Variants in CACHD1 observed in about 807,000 individuals in gnomAD.
The protein encoded by CACHD1 is cache domain containing 1, also known as VWFA and cache domain-containing protein 1.
CACHD1 carries 71 observed loss-of-function variants against 138.7 expected under a neutral mutation model. The observed-to-expected ratio is 0.51, with a 90% confidence interval of 0.42 to 0.62. The LOEUF is 0.62. Among genes scored for constraint, CACHD1 ranks in the 20% least tolerant of loss-of-function variants. The pLI is 0.00. For missense variants in CACHD1, 1,389 were observed against 1,625.3 expected (o/e 0.85, Z 2.50); for synonymous variants, 578 against 591.5 (o/e 0.98, Z 0.33).
chr1:64,567,470 T>A (rs1646891733), intron 2 of CACHD1, among the ~76,000 whole-genome samples: 2 of 152,184 alleles, frequency 1.3e-5, no homozygotes, highest in African/African-American at 2.4e-5. Flanking sequence ...TAGTTTGTAT[T>A]CATTTAACAA....
Position 64,634,258 on chromosome 1 carries a change from CAAGT to C in CACHD1, c.1005_1006+2del, listed in dbSNP as rs1163155388. The C allele has an allele frequency of 6.2e-7, 1 of 1,613,282 alleles. No homozygotes were observed. The highest frequency in any genetic ancestry group is 8.5e-7 in the Non-Finnish European group (1 of 1,179,480). On this transcript the variant is annotated splice_donor_variant and coding_sequence_variant, in exon 7 of 27. Transcript: ENST00000651257. LOFTEE classifies it high-confidence loss of function. Reference sequence around the variant, plus strand: ...ACAAACAATAACACAAAGTTCCAAGCAAGTGAGTGCGTTCTCTCAGAGGACTTAG... The same window carrying C: ...ACAAACAATAACACAAAGTTCCAAGCGAGTGCGTTCTCTCAGAGGACTTAG...
chr1:64,514,871 G>T (rs1570321078), intron 1 of CACHD1, among the ~76,000 whole-genome samples: 1 of 152,256 alleles, frequency 6.6e-6, no homozygotes, highest in East Asian at 1.9e-4. Context: ...ATCCAAATTT[G>T]TTTTTAGTAA....
At position 64,666,042 on chromosome 1, in the gene CACHD1, T is replaced by A; in HGVS notation, c.2277-15T>A. 7.2e-7 allele frequency: 1 copy of A among 1,386,310 alleles called. No individual in the cohort carries two copies. The highest frequency in any genetic ancestry group is 1.0e-6 in the Non-Finnish European group (1 of 995,474). The allele number at this position is 1,386,310 out of a possible 1,614,324, so 85.9% of individuals were successfully genotyped here. A position where few individuals can be genotyped will look rare whatever the true frequency, so the allele number is the denominator to read the frequency against. On this transcript the variant is annotated splice_polypyrimidine_tract_variant and intron_variant, in intron 15 of 26. Coordinates refer to ENST00000651257, the MANE Select transcript of CACHD1 (RefSeq NM_020925.4). Reference sequence around the variant, plus strand: ...TAAAAAATAAAATAACATGACTTTCTTTGGTCTCCATTAGGTATCTCCATG... The same window carrying A: ...TAAAAAATAAAATAACATGACTTTCATTGGTCTCCATTAGGTATCTCCATG...
chr1:64,680,555 T>A (rs933415474), intron 24 of CACHD1, among the ~76,000 whole-genome samples: 1 of 152,076 alleles, frequency 6.6e-6, no homozygotes, highest in Non-Finnish European at 1.5e-5. Context: ...CAATACCACG[T>A]GCAGTATCTA....
intron 1 of CACHD1, among the ~76,000 whole-genome samples, chr1:64,477,737 C>G (rs1646184110): frequency 6.6e-6 from 1 of 151,376 alleles, no homozygotes; most frequent in East Asian, 1.9e-4. Flanking sequence ...CGGGTTCATG[C>G]CATTCTCCTG....
intron 19 of CACHD1, 105 bp downstream of exon 19, chr1:64,673,569 C>T: frequency 1.1e-6 from 1 of 933,948 alleles, no homozygotes; most frequent in Non-Finnish European, 1.7e-6. Flanking sequence ...TGTTTCATCG[C>T]CTTAGAACTA....
intron 13 of CACHD1, 145 bp from the exon 14 acceptor site, chr1:64,663,550 G>GAAAA (rs11289872): frequency 1.8e-5 from 14 of 797,550 alleles, no homozygotes; most frequent in African/African-American, 1.1e-4. Flanking sequence ...GACTCCATCT[G>GAAAA]AAAAAAAAAA....
chr1:64,520,840 T>C (rs1315690274), intron 1 of CACHD1, among the ~76,000 whole-genome samples: 3 of 152,174 alleles, frequency 2.0e-5, no homozygotes, highest in Non-Finnish European at 2.9e-5. Flanking sequence ...TAATCAACTG[T>C]GTGAAATAGA....
At chr1:64,585,601 G>A (rs1233645888) in intron 3 of CACHD1, among the ~76,000 whole-genome samples, 1 of 152,140 alleles carries the variant, frequency 6.6e-6, no homozygotes, top group Non-Finnish European at 1.5e-5. Context: ...TGCTTGGGGT[G>A]GATATTGGAA....
At chr1:64,537,713 T>C (rs1646644747) in intron 1 of CACHD1, among the ~76,000 whole-genome samples, 1 of 152,204 alleles carries the variant, frequency 6.6e-6, no homozygotes, top group Non-Finnish European at 1.5e-5. Flanking sequence ...GAATACATGT[T>C]CTTTTTGAAG....
At chr1:64,538,823 G>A (rs1646654751) in intron 1 of CACHD1, among the ~76,000 whole-genome samples, 1 of 152,180 alleles carries the variant, frequency 6.6e-6, no homozygotes, top group South Asian at 2.1e-4. Context: ...ACAGTTAGTA[G>A]CATATTTCGA....
chr1:64,649,738 C>G (rs1222264520), intron 9 of CACHD1, among the ~76,000 whole-genome samples: 1 of 152,124 alleles, frequency 6.6e-6, no homozygotes, highest in African/African-American at 2.4e-5. Context: ...AGAGAGCTAC[C>G]CTGAATGCTT....
At position 64,681,319 on chromosome 1, in the gene CACHD1, C is replaced by T. The variant is rs3828064; in HGVS notation, c.3468C>T (p.His1156=). The T allele has an allele frequency of 0.054, 87,368 of 1,612,742 alleles. 3,650 individuals are homozygous for T. Among genetic ancestry groups the T allele is most frequent in the East Asian group, 0.18 (8,254 of 44,834 alleles). ...GAGATGAAAGGGACGACGACAGCCA[C>T]GAAGACAGAGGCATCAGTGAGTATT... is the stretch of plus-strand genomic sequence containing the variant. ...NDRDERDDDS[H]EDRGIISNTR... Residue 1156 remains histidine (H), a synonymous_variant, in exon 25 of 27, where the codon CAC becomes CAT. Transcript: ENST00000651257.
chr1:64,598,390 G>A (rs1313807699), intron 3 of CACHD1, among the ~76,000 whole-genome samples: 1 of 152,188 alleles, frequency 6.6e-6, no homozygotes, highest in African/African-American at 2.4e-5. Flanking sequence ...ACTCACGGCA[G>A]TTGAGACTCT....
chr1:64,522,088 G>T (rs184999670), intron 1 of CACHD1, among the ~76,000 whole-genome samples: 161 of 152,216 alleles, frequency 1.1e-3, no homozygotes, highest in African/African-American at 3.5e-3. Context: ...TATAGATTTA[G>T]TTCTTACATT....
intron 20 of CACHD1, among the ~76,000 whole-genome samples, 162 bp from the exon 21 acceptor site, chr1:64,675,735 C>T (rs1470308566): frequency 6.6e-6 from 1 of 152,182 alleles, no homozygotes; most frequent in Non-Finnish European, 1.5e-5. Flanking sequence ...GTCCAAAGAA[C>T]AATGGATTAA....
chr1:64,667,657 C>T (rs1557548174), intron 16 of CACHD1, among the ~76,000 whole-genome samples: 2 of 152,144 alleles, frequency 1.3e-5, no homozygotes, highest in Non-Finnish European at 2.9e-5. Context: ...AAAAAGTAAA[C>T]AAAGACTGTT....
chr1:64,589,010 T>A (rs770545200), intron 3 of CACHD1, among the ~76,000 whole-genome samples: 1 of 152,176 alleles, frequency 6.6e-6, no homozygotes, highest in Non-Finnish European at 1.5e-5. Context: ...GGAGTTAGAG[T>A]AAGTAAGCAA....
intron 3 of CACHD1, among the ~76,000 whole-genome samples, chr1:64,583,753 C>T (rs145199307): frequency 5.7e-4 from 86 of 152,212 alleles, no homozygotes; most frequent in Admixed American, 1.3e-3. Flanking sequence ...AGCAAAGACA[C>T]GTCTTATATG....
Sources: allele counts gnomAD v4.1 joint callset (sites outside exome capture counted in the v4.1 genomes callset), GRCh38; gene constraint gnomAD v4.1.1; transcripts MANE v1.5; gene names NCBI Gene and HGNC (gene_info 2026-07-23, HGNC 2026-07-21).